SLC41A3: variants seen among roughly 807,000 people sequenced by gnomAD.
SLC41A3 encodes the protein SLC41A1-like 2.
In SLC41A3, 44 loss-of-function variants were observed where a neutral mutation model predicts 45.4. The ratio of observed to expected loss-of-function variants is 0.97; its 90% confidence interval spans 0.76 to 1.25. The LOEUF is 1.25. Ranked by LOEUF, SLC41A3 falls within the 50% of genes most tolerant of loss-of-function variation. The probability of loss-of-function intolerance (pLI) is 0.00; values close to 1 mark genes in which losing one functional copy is unlikely to be tolerated. For missense variants in SLC41A3, 550 were observed against 600.6 expected (o/e 0.92, Z 0.88); for synonymous variants, 256 against 252.4 (o/e 1.01, Z -0.13).
intron 1 of SLC41A3, among the ~76,000 whole-genome samples, chr3:126,072,198 C>T (rs1944652234): frequency 2.0e-5 from 3 of 151,822 alleles, no homozygotes; most frequent in Admixed American, 2.0e-4. Context: ...TAATGTAGTG[C>T]TTAGAGGGAA....
At chr3:126,077,178 G>A (rs912919053) in intron 1 of SLC41A3, among the ~76,000 whole-genome samples, 1 of 152,144 alleles carries the variant, frequency 6.6e-6, no homozygotes, top group Admixed American at 6.5e-5. Flanking sequence ...AGGAGTTTGA[G>A]ACCAGCTTGG....
intron 6 of SLC41A3, among the ~76,000 whole-genome samples, chr3:126,022,435 G>A (rs1940966412): frequency 6.6e-6 from 1 of 152,248 alleles, no homozygotes. Flanking sequence ...TTTGGTGAGG[G>A]CCTTCTTGCT....
At chr3:126,067,642 T>C (rs1023267772) in intron 2 of SLC41A3, 42 of 505,896 alleles carry the variant, frequency 8.3e-5, no homozygotes, top group Non-Finnish European at 4.2e-5. Context: ...GACTTTGTTA[T>C]GGCAGCAGTA....
At chr3:126,071,076 A>C (rs1944595168) in intron 1 of SLC41A3, among the ~76,000 whole-genome samples, 2 of 152,240 alleles carry the variant, frequency 1.3e-5, no homozygotes, top group African/African-American at 4.8e-5. Flanking sequence ...ACAATGCAGT[A>C]ATGGGGAAAC....
At chr3:126,033,335 G>A (rs1309605703) in intron 4 of SLC41A3, among the ~76,000 whole-genome samples, 1 of 140,512 alleles carries the variant, frequency 7.1e-6, no homozygotes, top group Non-Finnish European at 1.6e-5. Context: ...AGACAGAGAA[G>A]GAGCAAGTAC....
At chr3:126,094,030 G>T (rs1945545610) in intron 1 of SLC41A3, among the ~76,000 whole-genome samples, 3 of 152,292 alleles carry the variant, frequency 2.0e-5, no homozygotes, top group East Asian at 1.9e-4. Flanking sequence ...ATTGTGAAGG[G>T]CCTGATGGAC....
At chr3:126,063,047 AGAG>A (rs1944153132) in intron 2 of SLC41A3, among the ~76,000 whole-genome samples, 3 of 152,182 alleles carry the variant, frequency 2.0e-5, no homozygotes. Flanking sequence ...GTGCACCATC[AGAG>A]GAGTAGCTGC....
chr3:126,072,503 G>T (rs916967052), intron 1 of SLC41A3, among the ~76,000 whole-genome samples: 4 of 151,772 alleles, frequency 2.6e-5, no homozygotes, highest in African/African-American at 9.7e-5. Context: ...GAATGAAAGA[G>T]GAAACATTAC....
rs115209996 is a variant in SLC41A3, at chr3:126,028,968, C to T, written c.454-2489G>A. Among the ~76,000 whole-genome samples the T allele has an allele frequency of 4.4e-3, 673 of 152,340 alleles. 4 individuals are homozygous for T. The highest frequency in any genetic ancestry group is 0.015 in the African/African-American group (636 of 41,586). The stretch of plus-strand genomic sequence containing the variant: ...CTCCCCTTTGAAATGGGAGTATTTA[C>T]CCAATACCTGTATCCCCCACTGTAT... On this transcript the variant is annotated intron_variant, in intron 4 of 10. Coordinates refer to ENST00000360370, the MANE Select transcript of SLC41A3 (RefSeq NM_017836.4).
intron 3 of SLC41A3, among the ~76,000 whole-genome samples, chr3:126,040,616 C>G (rs1381999588): frequency 6.6e-6 from 1 of 152,036 alleles, no homozygotes; most frequent in African/African-American, 2.4e-5. Flanking sequence ...GCCACCTGGC[C>G]TGGCTCCAAG....
In SLC41A3 at chr3:126,026,205, C is replaced by A. The variant is rs1029911617; in HGVS notation, c.598+130G>T. On this transcript the variant is annotated intron_variant, in intron 5 of 10. Transcript: ENST00000360370. This position sits in a 1 kb window ranked among gnomAD's most constrained non-coding sequence, Gnocchi z 4.2. Reference sequence around the variant, plus strand: ...CTCGTCCCACCCTGCCAGTGAGAACCCTGAGCCCACCATCAGTCCCATTAG... The same window carrying A: ...CTCGTCCCACCCTGCCAGTGAGAACACTGAGCCCACCATCAGTCCCATTAG... 2.2e-6 allele frequency: 3 copies of A among 1,395,108 alleles called. No homozygotes were observed. The East Asian group carries it at 7.5e-5, about 35-fold the overall frequency. The allele number at this position is 1,395,108 out of a possible 1,614,324, so 86.4% of individuals were successfully genotyped here. A position where few individuals can be genotyped will look rare whatever the true frequency, so the allele number is the denominator to read the frequency against.
At chr3:126,088,813 GA>G (rs1485927387), upstream of SLC41A3, among the ~76,000 whole-genome samples, 2 of 152,030 alleles carry the variant, frequency 1.3e-5, no homozygotes, top group Non-Finnish European at 2.9e-5. Flanking sequence ...CCACTTTAAG[GA>G]CAAAATCCTT....
intron 2 of SLC41A3, chr3:126,056,409 C>CA: frequency 6.2e-7 from 1 of 1,614,196 alleles, no homozygotes; most frequent in Non-Finnish European, 8.5e-7. Flanking sequence ...AGCCGGACAG[C>CA]AGAATGGGCA....
At chr3:126,042,784 A>G (rs1942680554) in intron 3 of SLC41A3, among the ~76,000 whole-genome samples, 2 of 152,224 alleles carry the variant, frequency 1.3e-5, no homozygotes, top group Non-Finnish European at 2.9e-5. Context: ...CAGAGGTTCA[A>G]CAGCAAACTC....
rs768237185 is a variant in SLC41A3 at position 126,016,856 on chromosome 3, C to T, written c.765G>A (p.Pro255=). The T allele has an allele frequency of 2.2e-5, 36 of 1,612,436 alleles. No homozygotes were observed. Among genetic ancestry groups the T allele is most frequent in the African/African-American group, 2.0e-4 (15 of 74,900 alleles). ...YRHKDSRYLT[P]LVCLSFAALT... ...GAGCCGCAAAGCTGAGGCAGACCAG[C>T]GGCGTCAGATACCGACTATCTGAAA... Residue 255 remains proline, a synonymous_variant, in exon 7 of 11, where the codon CCG becomes CCA. Transcript: ENST00000360370.
At chr3:126,019,147 C>T (rs75167557) in intron 6 of SLC41A3, among the ~76,000 whole-genome samples, 7,969 of 152,208 alleles carry the variant, frequency 0.052, 643 homozygotes, top group African/African-American at 0.17. Flanking sequence ...CTGCAGAGTC[C>T]GGAGGTGGCG....
intron 2 of SLC41A3, among the ~76,000 whole-genome samples, chr3:126,051,875 G>A (rs1162586746): frequency 2.6e-5 from 4 of 152,048 alleles, no homozygotes; most frequent in Admixed American, 2.0e-4. Flanking sequence ...GGAGAAAGGC[G>A]GCCTGGGATC....
chr3:126,050,770 C>A, intron 3 of SLC41A3, 173 bp downstream of exon 3: 1 of 1,202,780 alleles, frequency 8.3e-7, no homozygotes, highest in Non-Finnish European at 1.1e-6. Flanking sequence ...AGTGGAAAGC[C>A]AAGGCATTGG....
intron 3 of SLC41A3, among the ~76,000 whole-genome samples, chr3:126,040,870 G>A: frequency 6.6e-6 from 1 of 152,134 alleles, no homozygotes; most frequent in South Asian, 2.1e-4. Context: ...CTAAAGGCAA[G>A]CCACAAGCCT....
Sources: gnomAD v4.1 joint callset for allele counts (sites outside exome capture counted in the v4.1 genomes callset) on GRCh38, gnomAD v4.1.1 for gene constraint, Gnocchi (gnomAD v3.1) non-coding constraint, MANE v1.5 for transcripts, NCBI Gene and HGNC (gene_info 2026-07-23, HGNC 2026-07-21) for gene names.